Variants in ITGBL1 observed in about 807,000 individuals in gnomAD.
The protein encoded by ITGBL1 is integrin beta-like protein 1.
A neutral mutation model predicts 68.5 loss-of-function variants in ITGBL1; 51 were observed. The observed-to-expected ratio is 0.74, with a 90% CI of 0.59 to 0.94. The LOEUF (loss-of-function observed/expected upper bound fraction) is 0.94. Among genes scored for constraint, ITGBL1 ranks in the 40% least tolerant of loss-of-function variants. ITGBL1 has a pLI of 0.00. For synonymous variants in ITGBL1, 209 were observed against 227.3 expected (o/e 0.92, Z 0.72); for missense variants, 649 against 647.4 (o/e 1.00, Z -0.03).
At chr13:101,572,639 G>A (rs1226713461) in intron 3 of ITGBL1, among the ~76,000 whole-genome samples, 1 of 152,076 alleles carries the variant, frequency 6.6e-6, no homozygotes. Context: ...GCGTCCATAT[G>A]CCATGTCTTG....
intron 7 of ITGBL1, among the ~76,000 whole-genome samples, chr13:101,686,221 C>T (rs2033751676): frequency 6.6e-6 from 1 of 152,106 alleles, no homozygotes; most frequent in South Asian, 2.1e-4. Context: ...CACTGCTTTC[C>T]CCTATTAGAA....
chr13:101,507,006 G>A (rs1489628695), intron 2 of ITGBL1, among the ~76,000 whole-genome samples: 1 of 152,138 alleles, frequency 6.6e-6, no homozygotes, highest in South Asian at 2.1e-4. Flanking sequence ...CTGCTGGGGT[G>A]GAGGAAGAAG....
chr13:101,560,207 G>C (rs1566732038), intron 2 of ITGBL1, among the ~76,000 whole-genome samples: 1 of 152,122 alleles, frequency 6.6e-6, no homozygotes, highest in Non-Finnish European at 1.5e-5. Context: ...AGAAGGCTTA[G>C]GAATCTATGG....
intron 2 of ITGBL1, among the ~76,000 whole-genome samples, chr13:101,458,726 C>A (rs1386773414): frequency 6.6e-6 from 1 of 152,168 alleles, no homozygotes; most frequent in African/African-American, 2.4e-5. Flanking sequence ...ACATATAATA[C>A]CTCATGCAAT....
At chr13:101,500,586 A>G (rs1008407795) in intron 2 of ITGBL1, among the ~76,000 whole-genome samples, 2 of 152,242 alleles carry the variant, frequency 1.3e-5, no homozygotes, top group East Asian at 1.9e-4. Context: ...AGAAAAAGAA[A>G]GAACTCGAGC....
intron 2 of ITGBL1, among the ~76,000 whole-genome samples, chr13:101,481,090 A>ATATACACACACGTGCATG (rs1460674049): frequency 7.4e-6 from 1 of 134,804 alleles, no homozygotes; most frequent in Non-Finnish European, 1.6e-5. Context: ...ACACACATAT[A>ATATACACACACGTGCATG]TATACACACA....
At chr13:101,643,675 C>T (rs1225609922) in intron 7 of ITGBL1, among the ~76,000 whole-genome samples, 1 of 152,076 alleles carries the variant, frequency 6.6e-6, no homozygotes, top group Non-Finnish European at 1.5e-5. Flanking sequence ...CTTTCATTCC[C>T]TCAAATTTCT....
rs746602639 is a variant in ITGBL1, at chr13:101,663,399, G to T, written c.1016-29186G>T. Among the ~76,000 whole-genome samples, 7 of 152,052 alleles carry T rather than the reference G, an allele frequency of 4.6e-5. No homozygotes were observed. The South Asian group carries it at 1.0e-3, about 23-fold the overall frequency. On this transcript the variant is annotated intron_variant, in intron 7 of 10. Coordinates refer to ENST00000376180, the MANE Select transcript of ITGBL1 (RefSeq NM_004791.3). ...CTAGTCTCTTTGTGCAGAAAACAAG[G>T]AACTGAATCTTTGAGAAGCAAAAGT...
At chr13:101,468,135 C>A (rs903219401) in intron 2 of ITGBL1, among the ~76,000 whole-genome samples, 2 of 152,154 alleles carry the variant, frequency 1.3e-5, no homozygotes, top group African/African-American at 4.8e-5. Context: ...TAAGCAGTTT[C>A]CTCTCCAAAA....
intron 7 of ITGBL1, among the ~76,000 whole-genome samples, chr13:101,608,986 A>C (rs1242170108): frequency 6.6e-6 from 1 of 152,076 alleles, no homozygotes; most frequent in East Asian, 1.9e-4. Flanking sequence ...ATTAAATGAC[A>C]AGAATAAGCC....
intron 8 of ITGBL1, among the ~76,000 whole-genome samples, chr13:101,699,757 C>G (rs2034091121): frequency 6.6e-6 from 1 of 152,176 alleles, no homozygotes; most frequent in Admixed American, 6.5e-5. Flanking sequence ...AGATGATTCT[C>G]CAACAGTTCC....
intron 7 of ITGBL1, among the ~76,000 whole-genome samples, chr13:101,633,638 C>T (rs2032065902): frequency 6.6e-6 from 1 of 152,166 alleles, no homozygotes; most frequent in South Asian, 2.1e-4. Flanking sequence ...GTAAGAATGG[C>T]ACGTCACAGA....
At chr13:101,589,027 A>G (rs1365840318) in intron 6 of ITGBL1, among the ~76,000 whole-genome samples, 1 of 152,218 alleles carries the variant, frequency 6.6e-6, no homozygotes, top group Non-Finnish European at 1.5e-5. Context: ...TTTGTAGGAC[A>G]TGTACAGTTT....
chr13:101,678,471 G>A (rs2139520837), intron 7 of ITGBL1, among the ~76,000 whole-genome samples: 1 of 150,664 alleles, frequency 6.6e-6, no homozygotes, highest in South Asian at 2.1e-4. Flanking sequence ...CTTCTGAAAT[G>A]TGTATTAAGG....
chr13:101,571,297 C>G (rs144852101), intron 3 of ITGBL1, among the ~76,000 whole-genome samples: 1 of 152,058 alleles, frequency 6.6e-6, no homozygotes, highest in Non-Finnish European at 1.5e-5. Flanking sequence ...GATTTGCAGT[C>G]CACCCCTCTC....
intron 2 of ITGBL1, among the ~76,000 whole-genome samples, chr13:101,542,950 T>G (rs2139190879): frequency 6.6e-6 from 1 of 152,322 alleles, no homozygotes; most frequent in East Asian, 1.9e-4. Flanking sequence ...CCTGTGTGTG[T>G]CTCTACACGT....
chr13:101,579,283 A>G lies in ITGBL1; in HGVS notation c.587-4A>G. On this transcript the variant is annotated splice_region_variant and splice_polypyrimidine_tract_variant and intron_variant, in intron 4 of 10. Transcript: ENST00000376180. ...TCACTGTATAAAATTCATTTTGGGT[A>G]AAGGCCATGGGAAGTGTTACTGTGG... The G allele has an allele frequency of 6.2e-7, 1 of 1,612,478 alleles. No homozygotes were observed. Among genetic ancestry groups the G allele is most frequent in the Non-Finnish European group, 8.5e-7 (1 of 1,178,994 alleles).
At chr13:101,566,966 C>G (rs1344364247) in intron 2 of ITGBL1, among the ~76,000 whole-genome samples, 2 of 152,120 alleles carry the variant, frequency 1.3e-5, no homozygotes, top group African/African-American at 4.8e-5. Flanking sequence ...TTTGTACATT[C>G]TTTGAGGACA....
In ITGBL1 at chr13:101,706,848, G is replaced by T. The variant is rs752140328; in HGVS notation, c.1225G>T (p.Glu409Ter). 1 of 1,614,194 alleles carries T rather than the reference G, an allele frequency of 6.2e-7. No individual in the cohort carries two copies. Among genetic ancestry groups the T allele is most frequent in the Non-Finnish European group, 8.5e-7 (1 of 1,180,022 alleles). The change falls in exon 9 of 11, where the codon GAA becomes TAA. Residue 409 changes from glutamate to a stop codon, truncating the protein, a stop_gained. Coordinates refer to ENST00000376180, the MANE Select transcript of ITGBL1 (RefSeq NM_004791.3). LOFTEE classifies it high-confidence loss of function. ...QHPRKCNMTE[E>*]QSKNLCESAD... ...TCCGCGGAAGTGTAACATGACGGAA[G>T]AACAAAGCAAGAATCTGTGTGAATC... is the stretch of plus-strand genomic sequence containing the variant.
Sources: gnomAD v4.1 joint callset for allele counts (sites outside exome capture counted in the v4.1 genomes callset) on GRCh38, gnomAD v4.1.1 for gene constraint, MANE v1.5 for transcripts, NCBI Gene and HGNC (gene_info 2026-07-23, HGNC 2026-07-21) for gene names.